Variants in MPP7 observed in about 807,000 individuals in gnomAD.
MPP7 encodes the protein MAGUK p55 subfamily member 7.
Under a neutral mutation model 76.5 loss-of-function variants are expected in MPP7, and 60 were observed. The observed-to-expected ratio is 0.78, with a 90% CI of 0.64 to 0.97. The LOEUF (loss-of-function observed/expected upper bound fraction) is 0.97, where lower values mean the gene tolerates loss of function less well. Among genes scored for constraint, MPP7 ranks in the 50% least tolerant of loss-of-function variants. The probability of loss-of-function intolerance (pLI) is 0.00; values close to 1 mark genes in which losing one functional copy is unlikely to be tolerated. For synonymous variants in MPP7, 237 were observed against 244.5 expected (o/e 0.97, Z 0.29); for missense variants, 641 against 694.0 (o/e 0.92, Z 0.86).
At chr10:28,305,319 T>C (rs560150284), upstream of MPP7, 1 of 152,302 alleles carries the variant, frequency 6.6e-6, no homozygotes, top group Non-Finnish European at 1.5e-5. Flanking sequence ...ACTTTGTATT[T>C]TGTTACAAGG....
chr10:28,228,062 G>A (rs546547572), intron 2 of MPP7, among the ~76,000 whole-genome samples: 24 of 152,258 alleles, frequency 1.6e-4, no homozygotes, highest in African/African-American at 3.6e-4. Flanking sequence ...CAAAGAAACC[G>A]AAAAGTATGA....
intron 12 of MPP7, among the ~76,000 whole-genome samples, chr10:28,083,137 A>G (rs2133416124): frequency 6.6e-6 from 1 of 152,288 alleles, no homozygotes; most frequent in East Asian, 1.9e-4. Flanking sequence ...CTCATCTTCT[A>G]TATTATCCTG....
At chr10:28,331,316 A>T (rs1336289568) in intron 1 of MPP7, among the ~76,000 whole-genome samples, 1 of 152,168 alleles carries the variant, frequency 6.6e-6, no homozygotes, top group Admixed American at 6.5e-5. Context: ...GAGGAGCCTC[A>T]GGGAAGTTAC....
chr10:28,155,972 C>T (rs547466358), intron 3 of MPP7, among the ~76,000 whole-genome samples: 2 of 152,144 alleles, frequency 1.3e-5, no homozygotes, highest in African/African-American at 2.4e-5. Context: ...TTGCTGCCTC[C>T]AAGATAAACA....
intron 11 of MPP7, among the ~76,000 whole-genome samples, chr10:28,090,378 T>G (rs1377035884): frequency 6.6e-6 from 1 of 152,202 alleles, no homozygotes; most frequent in Non-Finnish European, 1.5e-5. Flanking sequence ...AATGTAAATT[T>G]TATTTGGTTT....
chr10:28,192,846 T>C (rs1437464054), intron 3 of MPP7, among the ~76,000 whole-genome samples: 5 of 152,214 alleles, frequency 3.3e-5, no homozygotes, highest in Non-Finnish European at 7.3e-5. Flanking sequence ...GTCTGAGGGC[T>C]GACGCTACCC....
At chr10:28,113,285 C>T (rs1189161092) in intron 11 of MPP7, among the ~76,000 whole-genome samples, 1 of 152,128 alleles carries the variant, frequency 6.6e-6, no homozygotes, top group Non-Finnish European at 1.5e-5. Context: ...CTGGTTGAGT[C>T]TGCATCCCAG....
At chr10:28,320,192 C>T (rs191934558) in intron 2 of MPP7, among the ~76,000 whole-genome samples, 12 of 152,068 alleles carry the variant, frequency 7.9e-5, no homozygotes, top group Admixed American at 2.6e-4. Context: ...AGAAATGGGC[C>T]GAGAAGGTAC....
intron 11 of MPP7, chr10:28,118,300 T>C (rs1257102466): frequency 3.1e-6 from 3 of 980,662 alleles, no homozygotes; most frequent in African/African-American, 1.7e-5. Context: ...GAAATACATA[T>C]ACACTTATCA....
At chr10:28,211,462 T>G (rs7901739) in intron 2 of MPP7, among the ~76,000 whole-genome samples, 124,312 of 147,760 alleles carry the variant, frequency 0.84, 52,145 homozygotes, top group Middle Eastern at 0.93. Context: ...TATATATATA[T>G]AGAGAGAGAG....
intron 3 of MPP7, among the ~76,000 whole-genome samples, chr10:28,185,357 G>C (rs971211473): frequency 1.1e-4 from 16 of 151,992 alleles, no homozygotes; most frequent in African/African-American, 3.9e-4. Context: ...TCTGAATTCT[G>C]ACTACAGTTG....
At chr10:28,118,219 G>T in intron 11 of MPP7, 1 of 984,866 alleles carries the variant, frequency 1.0e-6, no homozygotes, top group African/African-American at 1.7e-5. Context: ...ACCTTCCTAT[G>T]CATCTATATA....
intron 13 of MPP7, among the ~76,000 whole-genome samples, chr10:28,067,401 C>A (rs868339727): frequency 2.6e-5 from 4 of 151,470 alleles, no homozygotes; most frequent in African/African-American, 7.4e-5. Flanking sequence ...TGGTTTGATG[C>A]GGTATTTTCC....
chr10:28,167,643 G>A (rs1432348115), intron 3 of MPP7, among the ~76,000 whole-genome samples: 1 of 151,814 alleles, frequency 6.6e-6, no homozygotes, highest in Non-Finnish European at 1.5e-5. Flanking sequence ...TAAGTACTTG[G>A]CTGATAAAAA....
At position 28,057,357 on chromosome 10, in the gene MPP7, G is replaced by A. The variant is rs536749912; in HGVS notation, c.1408-734C>T. 1.5e-4 allele frequency among the ~76,000 whole-genome samples: 23 copies of A among 152,198 alleles called. No individual in the cohort carries two copies. In the South Asian group the frequency reaches 3.5e-3, roughly 23 times the overall value. ...GACTGGATCATAGGGGCATTTTCCC[G>A]GGGTTTAACACCATCCCCCTTGGTG... On this transcript the variant is annotated intron_variant, in intron 15 of 16. Transcript: ENST00000683449.
At chr10:28,147,714 T>C (rs1390734280) in intron 4 of MPP7, 151 bp from the exon 5 acceptor site, 3 of 685,252 alleles carry the variant, frequency 4.4e-6, no homozygotes. Context: ...CATCAATCAT[T>C]GCTCTTCTTT....
At chr10:28,242,821 A>G (rs1839313227) in intron 1 of MPP7, among the ~76,000 whole-genome samples, 1 of 152,172 alleles carries the variant, frequency 6.6e-6, no homozygotes, top group South Asian at 2.1e-4. Context: ...ATGCTCATTC[A>G]GAGTAGGAGG....
intron 1 of MPP7, among the ~76,000 whole-genome samples, chr10:28,247,311 A>C (rs905366788): frequency 1.3e-5 from 2 of 152,312 alleles, no homozygotes; most frequent in Non-Finnish European, 2.9e-5. Context: ...AGCTATCAAA[A>C]AATACACTTT....
intron 3 of MPP7, among the ~76,000 whole-genome samples, chr10:28,152,056 T>G (rs1427220343): frequency 3.9e-5 from 6 of 152,208 alleles, no homozygotes; most frequent in Non-Finnish European, 8.8e-5. Flanking sequence ...GGCTTCCAAT[T>G]TTCCCAGGTT....
Sources: allele counts gnomAD v4.1 joint callset (sites outside exome capture counted in the v4.1 genomes callset), GRCh38; gene constraint gnomAD v4.1.1; transcripts MANE v1.5; gene names NCBI Gene and HGNC (gene_info 2026-07-23, HGNC 2026-07-21).